Variants in STPG1 observed in about 807,000 individuals in gnomAD.
STPG1 encodes O(6)-methylguanine-induced apoptosis 2.
Under a neutral mutation model 40.1 loss-of-function variants are expected in STPG1, and 33 were observed. That is an observed-to-expected ratio of 0.82 (90% CI 0.62 to 1.10). STPG1 has a LOEUF of 1.10. Ranked by LOEUF, STPG1 falls within the 50% of genes least tolerant of loss-of-function variation. STPG1 has a pLI of 0.00. For synonymous variants in STPG1, 150 were observed against 155.0 expected, an observed-to-expected ratio of 0.97 and a Z score of 0.24; for missense variants, 396 against 415.1, an observed-to-expected ratio of 0.95 and a Z score of 0.40.
chr1:24,386,189 C>T (rs904311396), intron 3 of STPG1, among the ~76,000 whole-genome samples: 6 of 152,226 alleles, frequency 3.9e-5, no homozygotes, highest in African/African-American at 1.4e-4. Flanking sequence ...CTTGTACTAA[C>T]AGAGTTGCCA....
In STPG1 at chr1:24,399,097, TA is replaced by T. The variant is rs1643119475; in HGVS notation, c.70+2221del. ...ATTATGTATCCATAAAAATTAAAAA[TA>T]AAAAAGTAAAATAAATTTATATGGA... On this transcript the variant is annotated intron_variant, in intron 2 of 8. Transcript: ENST00000337248. This position sits in a 1 kb window ranked among gnomAD's most constrained non-coding sequence, Gnocchi z 4.0. 6.6e-6 allele frequency among the ~76,000 whole-genome samples: 1 copy of T among 151,892 alleles called. No individual in the cohort carries two copies. Among genetic ancestry groups the T allele is most frequent in the Non-Finnish European group, 1.5e-5 (1 of 67,950 alleles).
At chr1:24,372,179 A>T (rs1219902331) in intron 6 of STPG1, among the ~76,000 whole-genome samples, 1 of 152,136 alleles carries the variant, frequency 6.6e-6, no homozygotes, top group Non-Finnish European at 1.5e-5. Flanking sequence ...CTCCATCTCC[A>T]AAAAAACAAA....
chr1:24,386,711 C>T (rs955356209), intron 3 of STPG1, among the ~76,000 whole-genome samples: 5 of 152,170 alleles, frequency 3.3e-5, no homozygotes, highest in African/African-American at 4.8e-5. Context: ...ACAGTTCCTG[C>T]GACTGACATT....
Position 24,378,204 on chromosome 1 carries a change from A to T in STPG1, c.462+1449T>A, listed in dbSNP as rs546490720. Reference sequence around the variant, plus strand: ...TTTAAAGACTCACTACAAGGAAAATAGTCTTCCTCAAATATAAAATTCATA... The same window carrying T: ...TTTAAAGACTCACTACAAGGAAAATTGTCTTCCTCAAATATAAAATTCATA... On this transcript the variant is annotated intron_variant, in intron 5 of 8. Coordinates refer to ENST00000337248, the MANE Select transcript of STPG1 (RefSeq NM_001199013.2). Among the ~76,000 whole-genome samples the T allele has an allele frequency of 2.0e-5, 3 of 152,354 alleles. No homozygotes were observed. In the South Asian group the frequency reaches 6.2e-4, roughly 32 times the overall value.
chr1:24,408,588 C>A (rs1643497110), intron 1 of STPG1, among the ~76,000 whole-genome samples: 1 of 152,222 alleles, frequency 6.6e-6, no homozygotes, highest in Non-Finnish European at 1.5e-5. Context: ...GACCCCAGTA[C>A]TAAATGGGGG....
rs1640945415 is a variant in STPG1 at position 24,359,422 on chromosome 1, CAT to C, written c.929-805_929-804del. ...GCTCACCCCTTGTATGGAGCATTTGCATGTTTGCAATGCTGAGTTCTCCTCGA... is the reference window on the plus strand; with the variant it reads ...GCTCACCCCTTGTATGGAGCATTTGCGTTTGCAATGCTGAGTTCTCCTCGA... On this transcript the variant is annotated intron_variant, in intron 8 of 8. Coordinates refer to ENST00000337248, the MANE Select transcript of STPG1 (RefSeq NM_001199013.2). This position sits in a 1 kb window ranked among gnomAD's most constrained non-coding sequence, Gnocchi z 5.3. Among the ~76,000 whole-genome samples, 1 of 152,242 alleles carries C rather than the reference CAT, an allele frequency of 6.6e-6. No individual in the cohort carries two copies. The highest frequency in any genetic ancestry group is 2.4e-5 in the African/African-American group (1 of 41,464).
intron 1 of STPG1, among the ~76,000 whole-genome samples, chr1:24,410,371 G>A (rs1001372395): frequency 7.9e-5 from 12 of 152,184 alleles, no homozygotes; most frequent in African/African-American, 1.2e-4. Flanking sequence ...AGCACTTTGC[G>A]AGGCCGAGGT....
At chr1:24,388,851 T>C (rs1642627869) in intron 3 of STPG1, among the ~76,000 whole-genome samples, 1 of 152,232 alleles carries the variant, frequency 6.6e-6, no homozygotes, top group Non-Finnish European at 1.5e-5. Flanking sequence ...TTTTTATAAC[T>C]TGAGGAGACC....
intron 4 of STPG1, among the ~76,000 whole-genome samples, chr1:24,381,836 A>G (rs1642297820): frequency 6.6e-6 from 1 of 152,138 alleles, no homozygotes; most frequent in African/African-American, 2.4e-5. Flanking sequence ...TAAAGGTGAA[A>G]GTTACTGAAA....
rs1033732518 is a variant in STPG1, at chr1:24,360,852, T to G, written c.927A>C (p.Pro309=). ...AATCATTTAAAACAATCCTCTGACC[T>G]GGGCCAGGCAGGCCTGGCTGAGGCG... ...AAPPQPGLPG[P]ATYKPELPGK... The change falls in exon 8 of 9, where the codon CCA becomes CCC. Residue 309 remains proline (P), a splice_region_variant and synonymous_variant. Transcript: ENST00000337248. 1.2e-6 allele frequency: 2 copies of G among 1,610,108 alleles called. No homozygotes were observed. The highest frequency in any genetic ancestry group is 2.2e-5 in the South Asian group (2 of 90,282).
intron 7 of STPG1, chr1:24,364,449 T>G (rs1641325480): frequency 6.9e-7 from 1 of 1,440,242 alleles, no homozygotes; most frequent in African/African-American, 1.4e-5. Flanking sequence ...ATGTGGCCCC[T>G]GAATACATTC....
chr1:24,401,684 G>T (rs1019080624), intron 1 of STPG1, among the ~76,000 whole-genome samples: 1 of 152,070 alleles, frequency 6.6e-6, no homozygotes, highest in Admixed American at 6.6e-5. Flanking sequence ...TGAAGGCTTG[G>T]ATTTTATTTT....
intron 2 of STPG1, among the ~76,000 whole-genome samples, chr1:24,395,578 G>A (rs184802609): frequency 0.016 from 2,398 of 151,576 alleles, 66 homozygotes; most frequent in African/African-American, 0.054. Flanking sequence ...GACTACAGGC[G>A]CCCGCCACCG....
At chr1:24,386,905 C>G (rs1642528672) in intron 3 of STPG1, among the ~76,000 whole-genome samples, 1 of 152,188 alleles carries the variant, frequency 6.6e-6, no homozygotes, top group Admixed American at 6.5e-5. Flanking sequence ...TCTAGGGAAG[C>G]CCTACCCACT....
rs544473927 is a variant in STPG1, at chr1:24,359,250, G to T, written c.929-631C>A. Among the ~76,000 whole-genome samples, 19 of 152,358 alleles carry T rather than the reference G, an allele frequency of 1.2e-4. No individual in the cohort carries two copies. The highest frequency in any genetic ancestry group is 4.3e-4 in the African/African-American group (18 of 41,586). On this transcript the variant is annotated intron_variant, in intron 8 of 8. Coordinates refer to ENST00000337248, the MANE Select transcript of STPG1 (RefSeq NM_001199013.2). This position sits in a 1 kb window ranked among gnomAD's most constrained non-coding sequence, Gnocchi z 5.3. The stretch of plus-strand genomic sequence containing the variant: ...CGCAGAAGCCCACCTTGGCATGGGT[G>T]ATCAGAGCGGCAGGAGCTGCCTGTC...
At chr1:24,364,799 T>C (rs518717) in intron 7 of STPG1, among the ~76,000 whole-genome samples, 39,011 of 152,116 alleles carry the variant, frequency 0.26, 5,145 homozygotes, top group East Asian at 0.4. Context: ...AAAGCCAACC[T>C]GGCCCTGCCC....
chr1:24,401,098 AT>A, intron 2 of STPG1: 1 of 444,442 alleles, frequency 2.3e-6, no homozygotes. Flanking sequence ...TTAGTTTTTT[AT>A]TTTTTAACAG....
intron 7 of STPG1, 142 bp from the exon 8 acceptor site, chr1:24,361,183 A>C: frequency 5.7e-6 from 4 of 706,454 alleles, no homozygotes; most frequent in South Asian, 2.5e-5. Context: ...CCCTAGCTCC[A>C]CTGGTAGTGA....
chr1:24,408,367 T>C (rs1643490163), intron 1 of STPG1, among the ~76,000 whole-genome samples: 1 of 152,250 alleles, frequency 6.6e-6, no homozygotes. Flanking sequence ...TCCCCAGTCT[T>C]AGTTTCTTCT....
Sources: gnomAD v4.1 joint callset for allele counts (sites outside exome capture counted in the v4.1 genomes callset) on GRCh38, gnomAD v4.1.1 for gene constraint, Gnocchi (gnomAD v3.1) non-coding constraint, MANE v1.5 for transcripts, NCBI Gene and HGNC (gene_info 2026-07-23, HGNC 2026-07-21) for gene names.